Variants in FARS2 observed in about 807,000 individuals in gnomAD.
The protein encoded by FARS2 is phenylalanine--tRNA ligase, mitochondrial.
A neutral mutation model predicts 46.4 loss-of-function variants in FARS2; 40 were observed. That is an observed-to-expected ratio of 0.86 (90% CI 0.67 to 1.12). The LOEUF is 1.12. Among genes scored for constraint, FARS2 ranks in the 50% most tolerant of loss-of-function variants. FARS2 has a pLI of 0.00. For synonymous variants in FARS2, 234 were observed against 214.9 expected, an observed-to-expected ratio of 1.09 and a Z score of -0.78; for missense variants, 513 against 567.9, an observed-to-expected ratio of 0.90 and a Z score of 0.98.
At chr6:5,322,427 T>C (rs1444415464) in intron 1 of FARS2, among the ~76,000 whole-genome samples, 2 of 152,232 alleles carry the variant, frequency 1.3e-5, no homozygotes, top group Non-Finnish European at 2.9e-5. Flanking sequence ...GGTGATATGA[T>C]GAGGAAGCAC....
chr6:5,612,008 A>T (rs1332097353), intron 5 of FARS2, among the ~76,000 whole-genome samples: 1 of 152,256 alleles, frequency 6.6e-6, no homozygotes, highest in Non-Finnish European at 1.5e-5. Flanking sequence ...TTGTTACATT[A>T]ACTCATGGGT....
At chr6:5,410,583 A>C (rs933906929) in intron 3 of FARS2, among the ~76,000 whole-genome samples, 13 of 152,298 alleles carry the variant, frequency 8.5e-5, no homozygotes, top group East Asian at 1.9e-4. Flanking sequence ...TGGTAAACCT[A>C]TCTAGGTGCC....
intron 4 of FARS2, chr6:5,458,200 T>G (rs1183559889): frequency 6.6e-6 from 1 of 152,512 alleles, no homozygotes; most frequent in Non-Finnish European, 1.5e-5. Flanking sequence ...TGTCTAGGTT[T>G]AGTCCTGTGT....
intron 4 of FARS2, among the ~76,000 whole-genome samples, chr6:5,524,690 C>T (rs1769354081): frequency 6.6e-6 from 1 of 152,298 alleles, no homozygotes; most frequent in East Asian, 1.9e-4. Context: ...GCCAATTATT[C>T]TTGCTTTACA....
At chr6:5,416,387 G>T (rs2127740948) in intron 3 of FARS2, among the ~76,000 whole-genome samples, 1 of 152,278 alleles carries the variant, frequency 6.6e-6, no homozygotes, top group African/African-American at 2.4e-5. Context: ...TTGTTGAAAT[G>T]ACCTTTCCTT....
chr6:5,480,712 A>G (rs1766398964), intron 4 of FARS2, among the ~76,000 whole-genome samples: 1 of 152,130 alleles, frequency 6.6e-6, no homozygotes. Context: ...CCTTCCCTCA[A>G]ATAAAAACTT....
At chr6:5,760,334 A>T (rs1234571334) in intron 6 of FARS2, among the ~76,000 whole-genome samples, 1 of 152,208 alleles carries the variant, frequency 6.6e-6, no homozygotes, top group African/African-American at 2.4e-5. Context: ...TATGGGTGAC[A>T]TGGTAATCTC....
chr6:5,529,700 A>C (rs1582365649), intron 4 of FARS2, among the ~76,000 whole-genome samples: 1 of 152,200 alleles, frequency 6.6e-6, no homozygotes, highest in African/African-American at 2.4e-5. Flanking sequence ...ATGGCTTCTC[A>C]CAGCCTTTTT....
At position 5,322,772 on chromosome 6, in the gene FARS2, T is replaced by C. The variant is rs115079158; in HGVS notation, c.-21-45778T>C. On this transcript the variant is annotated intron_variant, in intron 1 of 6. Transcript: ENST00000274680. ...GCAGGATTCACTTTCCTCTGTATGG[T>C]GTTTATTTTGGTTTTGATTTTGTCT... 6.4e-3 allele frequency among the ~76,000 whole-genome samples: 978 copies of C among 152,202 alleles called. 12 individuals are homozygous for C. Among genetic ancestry groups the C allele is most frequent in the African/African-American group, 0.022 (927 of 41,530 alleles).
intron 1 of FARS2, among the ~76,000 whole-genome samples, chr6:5,335,713 T>C (rs1771111104): frequency 6.6e-6 from 1 of 152,208 alleles, no homozygotes; most frequent in Non-Finnish European, 1.5e-5. Flanking sequence ...AGTTTTTCAC[T>C]ATTACTGGAG....
intron 6 of FARS2, among the ~76,000 whole-genome samples, chr6:5,707,253 A>T (rs1758816877): frequency 6.6e-6 from 1 of 151,900 alleles, no homozygotes; most frequent in Non-Finnish European, 1.5e-5. Flanking sequence ...CATAAAAACG[A>T]CTCCTCGTTA....
chr6:5,571,826 C>T (rs180887196), intron 5 of FARS2, among the ~76,000 whole-genome samples: 1 of 152,134 alleles, frequency 6.6e-6, no homozygotes, highest in East Asian at 1.9e-4. Flanking sequence ...TCCACCAATC[C>T]CTCTCTTGGG....
chr6:5,640,251 T>TA (rs1776748708), intron 6 of FARS2, among the ~76,000 whole-genome samples: 1 of 152,198 alleles, frequency 6.6e-6, no homozygotes. Context: ...CTGTATGAGG[T>TA]CCCGTATTAT....
At chr6:5,272,619 A>G (rs1180220068) in intron 1 of FARS2, 1 of 152,224 alleles carries the variant, frequency 6.6e-6, no homozygotes, top group Non-Finnish European at 1.5e-5. Context: ...AAATTAGTGT[A>G]ATTGTGATAT....
intron 4 of FARS2, among the ~76,000 whole-genome samples, chr6:5,448,876 A>G (rs1022613015): frequency 1.3e-5 from 2 of 152,336 alleles, no homozygotes; most frequent in Admixed American, 6.5e-5. Context: ...TTGGTGACTC[A>G]TGATGCCATT....
At chr6:5,249,966 T>C in the FARS2 span, among the ~76,000 whole-genome samples, 1 of 152,230 alleles carries the variant, frequency 6.6e-6, no homozygotes, top group Non-Finnish European at 1.5e-5. Context: ...AATTTTCTAT[T>C]AGGTTCATTA....
In FARS2 at chr6:5,392,770, A is replaced by G. The variant is rs1760614541; in HGVS notation, c.613-11772A>G. Among the ~76,000 whole-genome samples the G allele has an allele frequency of 2.4e-5, 3 of 124,588 alleles. No individual in the cohort carries two copies. In the South Asian group the frequency reaches 7.4e-4, roughly 31 times the overall value. The allele number at this position is 124,588 out of a possible 152,430, so 81.7% of individuals were successfully genotyped here. A position where few individuals can be genotyped will look rare whatever the true frequency, so the allele number is the denominator to read the frequency against. ...CACACACACACACACACACACACAC[A>G]TGTATATATATGTGTGTATATATAC... On this transcript the variant is annotated intron_variant, in intron 2 of 6. Coordinates refer to ENST00000274680, the MANE Select transcript of FARS2 (RefSeq NM_006567.5).
chr6:5,263,545 A>C (rs1342376377), intron 1 of FARS2, among the ~76,000 whole-genome samples: 1 of 152,186 alleles, frequency 6.6e-6, no homozygotes, highest in Admixed American at 6.5e-5. Context: ...TCGATTTGAG[A>C]TTGTAAGTAG....
chr6:5,492,229 A>G (rs1272369010), intron 4 of FARS2, among the ~76,000 whole-genome samples: 1 of 152,232 alleles, frequency 6.6e-6, no homozygotes, highest in Non-Finnish European at 1.5e-5. Context: ...GAAAACACAG[A>G]TAGTATATTG....
Sources: gnomAD v4.1 joint callset for allele counts (sites outside exome capture counted in the v4.1 genomes callset) on GRCh38, gnomAD v4.1.1 for gene constraint, MANE v1.5 for transcripts, NCBI Gene and HGNC (gene_info 2026-07-23, HGNC 2026-07-21) for gene names.